NALCN: variants seen among roughly 807,000 people sequenced by gnomAD.
NALCN encodes sodium leak channel, non-selective.
In NALCN, 111 loss-of-function variants were observed where a neutral mutation model predicts 225.3. The observed-to-expected ratio is 0.49, with a 90% CI of 0.42 to 0.58. NALCN has a LOEUF of 0.58. NALCN is among the 20% of genes least tolerant of loss of function. NALCN has a pLI of 0.00. For missense variants in NALCN, 1,378 were observed against 2,202.4 expected (o/e 0.63, Z 7.49); for synonymous variants, 764 against 769.0 (o/e 0.99, Z 0.11).
chr13:101,288,402 AT>A (rs1181913469), intron 9 of NALCN, among the ~76,000 whole-genome samples: 4 of 152,194 alleles, frequency 2.6e-5, no homozygotes, highest in Non-Finnish European at 5.9e-5. Context: ...TGGAGGAGAA[AT>A]TCTTTCCATT....
At chr13:101,276,968 A>G (rs1446848368) in intron 10 of NALCN, among the ~76,000 whole-genome samples, 1 of 152,136 alleles carries the variant, frequency 6.6e-6, no homozygotes, top group Non-Finnish European at 1.5e-5. Context: ...GTTTCTATAT[A>G]TATGTATATA....
intron 7 of NALCN, among the ~76,000 whole-genome samples, chr13:101,311,169 A>G (rs1279784909): frequency 2.0e-5 from 3 of 150,650 alleles, no homozygotes; most frequent in Non-Finnish European, 3.0e-5. Flanking sequence ...TTTGTCTGTT[A>G]TTGGTGTATA....
intron 3 of NALCN, 45 bp downstream of exon 3, chr13:101,395,138 T>C (rs752085017): frequency 1.5e-5 from 23 of 1,553,484 alleles, no homozygotes; most frequent in Admixed American, 1.9e-5. Context: ...ATTAAGACTT[T>C]CAACACATTT....
At position 101,264,535 on chromosome 13, in the gene NALCN, T is replaced by C. The variant is rs561666911; in HGVS notation, c.1135-5961A>G. 6.6e-5 allele frequency among the ~76,000 whole-genome samples: 10 copies of C among 152,210 alleles called. No individual in the cohort carries two copies. The South Asian group carries it at 1.9e-3, about 28-fold the overall frequency. On this transcript the variant is annotated intron_variant, in intron 10 of 43. Coordinates refer to ENST00000251127, the MANE Select transcript of NALCN (RefSeq NM_052867.4). Reference sequence around the variant, plus strand: ...GCAACCTGGAAGCAATTATTAAGAATGCAGGATCTCAGGCCCCATCCCAGG... The same window carrying C: ...GCAACCTGGAAGCAATTATTAAGAACGCAGGATCTCAGGCCCCATCCCAGG...
rs777582538 is a variant in NALCN, at chr13:101,082,926, G to C, written c.3691-43C>G. The C allele has an allele frequency of 3.4e-5, 55 of 1,608,132 alleles. No individual in the cohort carries two copies. The Admixed American group carries it at 9.0e-4, about 26-fold the overall frequency. ...CACGAGTCGTTGCCCACGTCCATCG[G>C]ACACATACAGGCTTGCCCCTCTTCT... On this transcript the variant is annotated intron_variant, in intron 32 of 43. Coordinates refer to ENST00000251127, the MANE Select transcript of NALCN (RefSeq NM_052867.4).
At chr13:101,225,850 C>T (rs975361125) in intron 13 of NALCN, among the ~76,000 whole-genome samples, 1 of 152,134 alleles carries the variant, frequency 6.6e-6, no homozygotes, top group East Asian at 1.9e-4. Context: ...AATAATATGC[C>T]TAGGACTAAT....
At chr13:101,133,454 G>C (rs1430371205) in intron 17 of NALCN, among the ~76,000 whole-genome samples, 9 of 152,144 alleles carry the variant, frequency 5.9e-5, no homozygotes, top group Non-Finnish European at 1.2e-4. Flanking sequence ...CTTGATGAAT[G>C]TCATTTCTGC....
chr13:101,416,738 C>T (rs2047959589), upstream of NALCN, among the ~76,000 whole-genome samples: 1 of 151,900 alleles, frequency 6.6e-6, no homozygotes, highest in Non-Finnish European at 1.5e-5. Context: ...AGTCTCACAG[C>T]AACAGCTAGG....
At chr13:101,246,664 A>G (rs966863777) in intron 11 of NALCN, among the ~76,000 whole-genome samples, 2 of 152,362 alleles carry the variant, frequency 1.3e-5, no homozygotes, top group East Asian at 3.9e-4. Flanking sequence ...TTGTCAGAAG[A>G]AACCTATTTA....
intron 25 of NALCN, 43 bp from the exon 26 acceptor site, chr13:101,103,382 C>T (rs750029645): frequency 1.3e-6 from 2 of 1,563,968 alleles, no homozygotes; most frequent in East Asian, 4.5e-5. Context: ...ACAATTCATC[C>T]CCTACTATTT....
At chr13:101,229,643 T>G (rs1236415321) in intron 12 of NALCN, 59 bp from the exon 13 acceptor site, 5 of 1,294,904 alleles carry the variant, frequency 3.9e-6, no homozygotes, top group Non-Finnish European at 5.1e-6. Flanking sequence ...ACACTGAATC[T>G]TAAATATATT....
At chr13:101,225,299 T>C (rs2041099277) in intron 13 of NALCN, among the ~76,000 whole-genome samples, 1 of 152,172 alleles carries the variant, frequency 6.6e-6, no homozygotes, top group South Asian at 2.1e-4. Flanking sequence ...AACACATATC[T>C]TTTTCTCCCC....
chr13:101,201,786 A>G (rs1167074322), intron 13 of NALCN, among the ~76,000 whole-genome samples: 1 of 152,200 alleles, frequency 6.6e-6, no homozygotes, highest in African/African-American at 2.4e-5. Flanking sequence ...TGATTTTACA[A>G]CATAACTTGT....
At chr13:101,135,734 C>G (rs1170603967) in intron 17 of NALCN, among the ~76,000 whole-genome samples, 1 of 152,132 alleles carries the variant, frequency 6.6e-6, no homozygotes, top group African/African-American at 2.4e-5. Flanking sequence ...GACTCAACAC[C>G]ATCATCAGCA....
At chr13:101,384,824 G>C (rs533389648) in intron 3 of NALCN, among the ~76,000 whole-genome samples, 2 of 152,118 alleles carry the variant, frequency 1.3e-5, no homozygotes, top group African/African-American at 4.8e-5. Context: ...TTGAGGAGTG[G>C]GAATTGATGG....
At chr13:101,212,829 A>G (rs2040576872) in intron 13 of NALCN, among the ~76,000 whole-genome samples, 1 of 152,024 alleles carries the variant, frequency 6.6e-6, no homozygotes, top group Non-Finnish European at 1.5e-5. Context: ...AGTCTTATCC[A>G]TCTGATAGGA....
At chr13:101,080,892 C>T (rs948909230) in intron 34 of NALCN, among the ~76,000 whole-genome samples, 1 of 151,708 alleles carries the variant, frequency 6.6e-6, no homozygotes. Flanking sequence ...GACAATATGG[C>T]CCTAGATTAC....
chr13:101,073,775 C>G, intron 36 of NALCN, 98 bp from the exon 37 acceptor site: 1 of 1,011,396 alleles, frequency 9.9e-7, no homozygotes, highest in Non-Finnish European at 1.5e-6. Context: ...GAGGTTGTAG[C>G]AAATTTGGTT....
intron 18 of NALCN, 71 bp from the exon 19 acceptor site, chr13:101,111,297 C>A: frequency 7.8e-7 from 1 of 1,286,762 alleles, no homozygotes; most frequent in South Asian, 1.6e-5. Flanking sequence ...CATAAGTGCT[C>A]ATTACTTTTA....
Sources: allele counts gnomAD v4.1 joint callset (sites outside exome capture counted in the v4.1 genomes callset), GRCh38; gene constraint gnomAD v4.1.1; transcripts MANE v1.5; gene names NCBI Gene and HGNC (gene_info 2026-07-23, HGNC 2026-07-21).